The following MPPED2 variants were observed in gnomAD, a reference collection of about 807,000 sequenced individuals.
The protein encoded by MPPED2 is metallophosphoesterase MPPED2.
In MPPED2, 5 loss-of-function variants were observed where a neutral mutation model predicts 33.0. The ratio of observed to expected loss-of-function variants is 0.15; its 90% confidence interval spans 0.08 to 0.32. The LOEUF is 0.32. Among genes scored for constraint, MPPED2 ranks in the 10% least tolerant of loss-of-function variants. The pLI is 1.00. For synonymous variants in MPPED2, 136 were observed against 141.9 expected, an observed-to-expected ratio of 0.96 and a Z score of 0.29; for missense variants, 275 against 372.1, an observed-to-expected ratio of 0.74 and a Z score of 2.15.
In MPPED2 at chr11:30,567,664, T is replaced by C. The variant is rs542670092; in HGVS notation, c.128+12582A>G. Among the ~76,000 whole-genome samples, 6 of 152,332 alleles carry C rather than the reference T, an allele frequency of 3.9e-5. No individual in the cohort carries two copies. In the South Asian group the frequency reaches 8.3e-4, roughly 21 times the overall value. The stretch of plus-strand genomic sequence containing the variant: ...TTATCCTGTTCTCTTTGAAAAACAC[T>C]GAGAAAGAAGACATACAAGGATAGT... On this transcript the variant is annotated intron_variant, in intron 2 of 6. Transcript: ENST00000358117.
At chr11:30,474,762 A>T (rs1428349878) in intron 4 of MPPED2, among the ~76,000 whole-genome samples, 1 of 152,136 alleles carries the variant, frequency 6.6e-6, no homozygotes, top group African/African-American at 2.4e-5. Context: ...GGATCAAGCT[A>T]TTCTCGGTGT....
intron 3 of MPPED2, among the ~76,000 whole-genome samples, chr11:30,506,735 C>T (rs1952844077): frequency 6.6e-6 from 1 of 152,176 alleles, no homozygotes; most frequent in African/African-American, 2.4e-5. Context: ...ATTTTAGAGG[C>T]TTTTTAAATT....
At chr11:30,447,660 C>T (rs1000120667) in intron 4 of MPPED2, among the ~76,000 whole-genome samples, 1 of 152,068 alleles carries the variant, frequency 6.6e-6, no homozygotes, top group African/African-American at 2.4e-5. Context: ...AACGGGCATA[C>T]GAAAGAGAGT....
chr11:30,418,736 A>C (rs1281488452), intron 4 of MPPED2, among the ~76,000 whole-genome samples: 1 of 152,220 alleles, frequency 6.6e-6, no homozygotes, highest in Non-Finnish European at 1.5e-5. Context: ...AAGTGACCCT[A>C]ACCTTGTCAA....
chr11:30,507,727 T>C (rs1952921709), intron 3 of MPPED2, among the ~76,000 whole-genome samples: 2 of 152,068 alleles, frequency 1.3e-5, no homozygotes, highest in Non-Finnish European at 2.9e-5. Flanking sequence ...TCCTGGGGGG[T>C]GTGAAATCAT....
At chr11:30,403,314 C>T (rs537055455) in intron 6 of MPPED2, among the ~76,000 whole-genome samples, 53 of 151,818 alleles carry the variant, frequency 3.5e-4, no homozygotes, top group African/African-American at 1.2e-3. Context: ...ATTTCAATTT[C>T]GCTGGTACTC....
At chr11:30,462,742 A>G (rs999106652) in intron 4 of MPPED2, among the ~76,000 whole-genome samples, 1 of 152,204 alleles carries the variant, frequency 6.6e-6, no homozygotes, top group African/African-American at 2.4e-5. Context: ...ATAAAAAGCC[A>G]CTGTAGTATT....
intron 3 of MPPED2, among the ~76,000 whole-genome samples, chr11:30,527,604 G>C (rs1227912660): frequency 6.6e-6 from 1 of 152,132 alleles, no homozygotes; most frequent in Non-Finnish European, 1.5e-5. Flanking sequence ...TGGTTCAGAT[G>C]TTAATCAGAG....
intron 2 of MPPED2, among the ~76,000 whole-genome samples, chr11:30,578,315 T>C (rs932266454): frequency 2.6e-5 from 4 of 152,158 alleles, no homozygotes; most frequent in African/African-American, 9.7e-5. Flanking sequence ...GAAGCCCTTA[T>C]TGGCAATAAA....
chr11:30,412,442 A>G (rs1043901637), intron 6 of MPPED2, among the ~76,000 whole-genome samples: 1 of 152,058 alleles, frequency 6.6e-6, no homozygotes, highest in Non-Finnish European at 1.5e-5. Flanking sequence ...CTAAGATTCT[A>G]TGTTGGTATC....
chr11:30,458,581 C>T (rs1403983852), intron 4 of MPPED2, among the ~76,000 whole-genome samples: 1 of 152,208 alleles, frequency 6.6e-6, no homozygotes, highest in African/African-American at 2.4e-5. Context: ...GAAAGATGTC[C>T]TCATCATCAA....
At position 30,564,640 on chromosome 11, in the gene MPPED2, C is replaced by A. The variant is rs1366208381; in HGVS notation, c.128+15606G>T. ...CTTAAACACTATATTGCTTCCCTGT[C>A]TCCTCAGGCAATGAAGCTCAGAAAT... is the stretch of plus-strand genomic sequence containing the variant. On this transcript the variant is annotated intron_variant, in intron 2 of 6. Transcript: ENST00000358117. Among the ~76,000 whole-genome samples, 3 of 152,180 alleles carry A rather than the reference C, an allele frequency of 2.0e-5. No homozygotes were observed. The East Asian group carries it at 5.8e-4, about 29-fold the overall frequency.
At chr11:30,476,933 C>T (rs1419467862) in intron 4 of MPPED2, among the ~76,000 whole-genome samples, 1 of 151,904 alleles carries the variant, frequency 6.6e-6, no homozygotes, top group East Asian at 1.9e-4. Flanking sequence ...TGAAGAGATT[C>T]TACATATCTT....
intron 6 of MPPED2, among the ~76,000 whole-genome samples, chr11:30,395,879 A>T (rs920441754): frequency 6.6e-6 from 1 of 152,154 alleles, no homozygotes; most frequent in African/African-American, 2.4e-5. Flanking sequence ...CACTCTCAAG[A>T]TTTACAGGCA....
chr11:30,526,224 A>G (rs578022058), intron 3 of MPPED2, among the ~76,000 whole-genome samples: 3 of 152,288 alleles, frequency 2.0e-5, no homozygotes, highest in Non-Finnish European at 2.9e-5. Flanking sequence ...CAGACAAAAC[A>G]AGCTGTGTTA....
chr11:30,539,371 G>C (rs906138887), intron 2 of MPPED2, among the ~76,000 whole-genome samples: 66 of 152,040 alleles, frequency 4.3e-4, no homozygotes, highest in African/African-American at 1.5e-3. Context: ...ATCTTACCAA[G>C]GCAATCTAAA....
chr11:30,451,558 G>A (rs1322604594), intron 4 of MPPED2: 4 of 354,212 alleles, frequency 1.1e-5, no homozygotes, highest in African/African-American at 8.9e-5. Flanking sequence ...AGGGCCAGAA[G>A]TACAATCTAT....
intron 4 of MPPED2, among the ~76,000 whole-genome samples, chr11:30,490,948 G>C (rs778425174): frequency 2.6e-5 from 4 of 152,120 alleles, no homozygotes; most frequent in African/African-American, 9.7e-5. Flanking sequence ...TAATATCAGG[G>C]TTCTTATTTT....
chr11:30,493,503 G>A (rs1302096116), intron 4 of MPPED2, among the ~76,000 whole-genome samples: 2 of 151,984 alleles, frequency 1.3e-5, no homozygotes, highest in Non-Finnish European at 2.9e-5. Context: ...CCTAGTGAAG[G>A]ACTGGGGTAC....
Sources: allele counts gnomAD v4.1 joint callset (sites outside exome capture counted in the v4.1 genomes callset), GRCh38; gene constraint gnomAD v4.1.1; transcripts MANE v1.5; gene names NCBI Gene and HGNC (gene_info 2026-07-23, HGNC 2026-07-21).